Variants in CDHR1 observed in about 807,000 individuals in gnomAD.
The protein encoded by CDHR1 is cadherin-related family member 1.
A neutral mutation model predicts 72.1 loss-of-function variants in CDHR1; 61 were observed. The ratio of observed to expected loss-of-function variants is 0.85; its 90% CI spans 0.69 to 1.05. The LOEUF (loss-of-function observed/expected upper bound fraction) is 1.05, where lower values mean the gene tolerates loss of function less well. Ranked by LOEUF, CDHR1 falls within the 50% of genes least tolerant of loss-of-function variation. The pLI is 0.00. For missense variants in CDHR1, 1,186 were observed against 1,115.7 expected, an observed-to-expected ratio of 1.06 and a Z score of -0.90; for synonymous variants, 470 against 448.1, an observed-to-expected ratio of 1.05 and a Z score of -0.62.
Position 84,194,638 on chromosome 10 carries a change from G to A in CDHR1, c.-123G>A, listed in dbSNP as rs936462501. On this transcript the variant is annotated 5_prime_UTR_variant, in exon 1 of 17. Coordinates refer to ENST00000623527, the MANE Select transcript of CDHR1 (RefSeq NM_033100.4). ...CCGCTCCCGCCCCGTGCCCCCTCCC[G>A]CCGCGGCTGCAGTCGCCGCTACCCC... 1.6e-5 allele frequency: 5 copies of A among 309,990 alleles called. No homozygotes were observed. The highest frequency in any genetic ancestry group is 7.1e-5 in the African/African-American group (3 of 42,326). The allele number at this position is 309,990 out of a possible 1,614,324, so 19.2% of individuals were successfully genotyped here.
At chr10:84,204,747 A>G in intron 9 of CDHR1, 142 bp downstream of exon 9, 1 of 663,074 alleles carries the variant, frequency 1.5e-6, no homozygotes, top group Non-Finnish European at 2.8e-6. Context: ...TGTGTCCAAG[A>G]CAAGCAAGTC....
Position 84,208,269 on chromosome 10 carries a change from C to T in CDHR1, c.1059C>T (p.Phe353=). The T allele has an allele frequency of 6.2e-7, 1 of 1,614,184 alleles. No individual in the cohort carries two copies. Among genetic ancestry groups the T allele is most frequent in the Non-Finnish European group, 8.5e-7 (1 of 1,180,034 alleles). The change falls in exon 11 of 17, where the codon TTC becomes TTT. Residue 353 remains phenylalanine, a synonymous_variant. Coordinates refer to ENST00000623527, the MANE Select transcript of CDHR1 (RefSeq NM_033100.4). ...IVDLNNHPPT[F]YGESGPQNRF... Reference sequence around the variant, plus strand: ...ACCTCAACAACCACCCGCCAACATTCTATGGAGAGAGCGGACCCCAAAACA... The same window carrying T: ...ACCTCAACAACCACCCGCCAACATTTTATGGAGAGAGCGGACCCCAAAACA...
rs760408021 is a variant in CDHR1 at position 84,214,353 on chromosome 10, A to G, written c.2312A>G (p.Glu771Gly). The change falls in exon 17 of 17, where the codon GAG becomes GGG. Residue 771 changes from glutamate to glycine, a missense_variant. Transcript: ENST00000623527. The part of the protein sequence containing the change: ...TKAATKFMLK[E>G]KPPNENCNNN... ...GCCGCTACCAAGTTCATGCTCAAAG[A>G]GAAACCTCCCAATGAGAACTGTAAC... 6.2e-7 allele frequency: 1 copy of G among 1,614,192 alleles called. No homozygotes were observed. Among genetic ancestry groups the G allele is most frequent in the Admixed American group, 1.7e-5 (1 of 60,030 alleles).
intron 16 of CDHR1, 123 bp downstream of exon 16, chr10:84,213,471 A>T: frequency 7.6e-7 from 1 of 1,314,696 alleles, no homozygotes; most frequent in Non-Finnish European, 1.1e-6. Context: ...ACGTTATCAA[A>T]GGCAGCCTGT....
Position 84,214,175 on chromosome 10 carries a change from G to A in CDHR1, c.2134G>A (p.Val712Ile), listed in dbSNP as rs1216899259. 1.2e-6 allele frequency: 2 copies of A among 1,614,106 alleles called. No individual in the cohort carries two copies. The highest frequency in any genetic ancestry group is 3.3e-5 in the Admixed American group (2 of 60,022). Residue 712 changes from valine (V) to isoleucine (I), a missense_variant, in exon 17 of 17, where the codon GTC becomes ATC. By Grantham distance (29) the Val-to-Ile change is conservative. Transcript: ENST00000623527. ...TGTGCTGGCCGGCACCATGGCCACC[G>A]TCGTGGCCATCACTGTCCTCATCTC... ...VGVLAGTMAT[V>I]VAITVLISTA...
rs532268197 is a variant in CDHR1 at position 84,211,133 on chromosome 10, G to A, written c.1453G>A (p.Ala485Thr). The stretch of plus-strand genomic sequence containing the variant: ...CTACGTTGCCAGGATTCCTGAGAAC[G>A]CCCCAGGGGGCTCCAGCGTGGTGGC... ...LYYVARIPEN[A>T]PGGSSVVAVT... Residue 485 changes from alanine (A) to threonine (T), a missense_variant, in exon 13 of 17, where the codon GCC becomes ACC. Physicochemically the swap from Ala to Thr is moderately conservative, Grantham distance 58. Coordinates refer to ENST00000623527, the MANE Select transcript of CDHR1 (RefSeq NM_033100.4). 182 of 1,614,200 alleles carry A rather than the reference G, an allele frequency of 1.1e-4. 1 individual carries two copies. Among genetic ancestry groups the A allele is most frequent in the South Asian group, 1.6e-4 (15 of 91,080 alleles).
chr10:84,208,831 G>A lies in CDHR1; in HGVS notation c.1270G>A (p.Glu424Lys). ...TGAAGCCCAAGTCACAATCATTGTG[G>A]AGAACTCAGCTGCCATTGACTTTGA... is the stretch of plus-strand genomic sequence containing the variant. ...LNEAQVTIIV[E>K]NSAAIDFEKS... The change falls in exon 12 of 17, where the codon GAG becomes AAG. Residue 424 changes from glutamate to lysine, a missense_variant. Coordinates refer to ENST00000623527, the MANE Select transcript of CDHR1 (RefSeq NM_033100.4). The A allele has an allele frequency of 6.2e-7, 1 of 1,614,154 alleles. No individual in the cohort carries two copies. The highest frequency in any genetic ancestry group is 8.5e-7 in the Non-Finnish European group (1 of 1,180,034).
intron 16 of CDHR1, among the ~76,000 whole-genome samples, chr10:84,213,650 C>T (rs1842377432): frequency 6.6e-6 from 1 of 152,168 alleles, no homozygotes; most frequent in South Asian, 2.1e-4. Context: ...ATGTGTAGCT[C>T]TCAGCTCAGT....
chr10:84,201,277 C>T (rs1842119938), intron 6 of CDHR1, among the ~76,000 whole-genome samples: 1 of 152,208 alleles, frequency 6.6e-6, no homozygotes, highest in South Asian at 2.1e-4. Context: ...GCGCCTGACA[C>T]TACCCAGCCA....
chr10:84,200,542 G>A, intron 5 of CDHR1, 59 bp from the exon 6 acceptor site: 1 of 1,198,220 alleles, frequency 8.3e-7, no homozygotes, highest in Non-Finnish European at 1.2e-6. Flanking sequence ...CTATGCCTCT[G>A]TCCCCCTGAG....
chr10:84,196,481 T>A (rs1842030648), intron 2 of CDHR1, 24 bp from the exon 3 acceptor site: 1 of 1,614,108 alleles, frequency 6.2e-7, no homozygotes, highest in Non-Finnish European at 8.5e-7. Context: ...AGATTCTATG[T>A]CTCTCCACTG....
chr10:84,205,645 C>T, intron 9 of CDHR1, 182 bp from the exon 10 acceptor site: 1 of 656,844 alleles, frequency 1.5e-6, no homozygotes. Context: ...TCTGCACTAA[C>T]TGTGTAGCCT....
In CDHR1 at chr10:84,218,694, A is replaced by C; in HGVS notation, c.*4073A>C. 3.0e-6 allele frequency: 3 copies of C among 988,390 alleles called. No individual in the cohort carries two copies. The highest frequency in any genetic ancestry group is 3.6e-6 in the Non-Finnish European group (3 of 832,096). 61.2% of individuals were successfully genotyped at this position (988,390 alleles called of 1,614,324 possible). A position where few individuals can be genotyped will look rare whatever the true frequency, so the allele number is the denominator to read the frequency against. On this transcript the variant is annotated 3_prime_UTR_variant, in exon 17 of 17. Coordinates refer to ENST00000623527, the MANE Select transcript of CDHR1 (RefSeq NM_033100.4). ...TAAGCTTCTCAAGGGCATGACAACT[A>C]TATCGGAAACTGTAGCATCTTTTCA...
rs1842457923 is a variant in CDHR1 at position 84,218,262 on chromosome 10, T to C, written c.*3641T>C. On this transcript the variant is annotated 3_prime_UTR_variant, in exon 17 of 17. Transcript: ENST00000623527. The stretch of plus-strand genomic sequence containing the variant: ...TCTCTGAAGGGCCTAGTTTCCAGAA[T>C]GAGGCGGTCATGGCTTAAGCGACCA... 2.6e-5 allele frequency: 26 copies of C among 985,314 alleles called. No individual in the cohort carries two copies. Among genetic ancestry groups the C allele is most frequent in the Non-Finnish European group, 3.0e-5 (25 of 829,942 alleles). 61.0% of individuals were successfully genotyped at this position (985,314 alleles called of 1,614,324 possible). A position where few individuals can be genotyped will look rare whatever the true frequency, so the allele number is the denominator to read the frequency against.
chr10:84,215,092 A>G lies in CDHR1; in HGVS notation c.*471A>G. On this transcript the variant is annotated 3_prime_UTR_variant, in exon 17 of 17. Coordinates refer to ENST00000623527, the MANE Select transcript of CDHR1 (RefSeq NM_033100.4). ...GAGCAGGAGCAGGAAAAGGAGGCTC[A>G]GCACTGTCTCAGGCTGGAGGTCAGC... 9.5e-7 allele frequency: 1 copy of G among 1,053,734 alleles called. No individual in the cohort carries two copies. The highest frequency in any genetic ancestry group is 4.9e-5 in the Admixed American group (1 of 20,258). 65.3% of individuals were successfully genotyped at this position (1,053,734 alleles called of 1,614,324 possible).
chr10:84,196,685 T>C, intron 3 of CDHR1, 35 bp downstream of exon 3: 1 of 1,613,586 alleles, frequency 6.2e-7, no homozygotes, highest in Non-Finnish European at 8.5e-7. Context: ...GCGGGGCCAC[T>C]GCCTGTAGAC....
At chr10:84,209,639 CAA>C (rs59316093) in intron 12 of CDHR1, among the ~76,000 whole-genome samples, 57,194 of 125,228 alleles carry the variant, frequency 0.46, 12,515 homozygotes, top group African/African-American at 0.64. Context: ...AGAGAAAAGA[CAA>C]AAAAAAAAAA....
At chr10:84,209,277 A>T in intron 12 of CDHR1, among the ~76,000 whole-genome samples, 2 of 152,376 alleles carry the variant, frequency 1.3e-5, no homozygotes, top group South Asian at 4.1e-4. Context: ...GTAATTATGT[A>T]AAATCATAAA....
At chr10:84,208,052 C>A (rs1842258819) in intron 10 of CDHR1, 122 bp from the exon 11 acceptor site, 1 of 842,402 alleles carries the variant, frequency 1.2e-6, no homozygotes. Context: ...CAGTTAGAAC[C>A]AAGTTGCTAA....
Sources: allele counts gnomAD v4.1 joint callset (sites outside exome capture counted in the v4.1 genomes callset), GRCh38; gene constraint gnomAD v4.1.1; transcripts MANE v1.5; gene names NCBI Gene and HGNC (gene_info 2026-07-23, HGNC 2026-07-21).